LARP1: variants seen among roughly 807,000 people sequenced by gnomAD.
LARP1 encodes the protein la-related protein 1.
In LARP1, 36 loss-of-function variants were observed where a neutral mutation model predicts 122.7. The ratio of observed to expected loss-of-function variants is 0.29; its 90% CI spans 0.22 to 0.39. The LOEUF (loss-of-function observed/expected upper bound fraction) is 0.39. LARP1 is among the 10% of genes least tolerant of loss of function. The pLI, the probability that LARP1 is intolerant of heterozygous loss-of-function variation, is 1.00. For synonymous variants in LARP1, 539 were observed against 528.7 expected (o/e 1.02, Z -0.27); for missense variants, 1,040 against 1,403.6 (o/e 0.74, Z 4.14).
chr5:154,746,529 G>A (rs965372560), intron 1 of LARP1, among the ~76,000 whole-genome samples: 2 of 152,192 alleles, frequency 1.3e-5, no homozygotes, highest in African/African-American at 2.4e-5. Flanking sequence ...GTGGTGTCAC[G>A]ATCTAGAATG....
At position 154,814,466 on chromosome 5, in the gene LARP1, C is replaced by A; in HGVS notation, c.*370C>A. 6.5e-6 allele frequency: 1 copy of A among 152,968 alleles called. No homozygotes were observed. Among genetic ancestry groups the A allele is most frequent in the Non-Finnish European group, 1.5e-5 (1 of 68,392 alleles). 9.5% of individuals were successfully genotyped at this position (152,968 alleles called of 1,614,324 possible). ...CCTGCCCGAGGCTAGTAGGCTGCAA[C>A]CCTGGTCCCCACCCCTAACCTCCTG... On this transcript the variant is annotated 3_prime_UTR_variant, in exon 19 of 19. Transcript: ENST00000518297.
chr5:154,726,102 A>G (rs747564323), intron 1 of LARP1, among the ~76,000 whole-genome samples: 28 of 152,178 alleles, frequency 1.8e-4, no homozygotes, highest in Non-Finnish European at 3.1e-4. Flanking sequence ...GGCCTTCCAC[A>G]GTGCTGGGAT....
rs745558786 is a variant in LARP1, at chr5:154,742,331, G to A, written c.205+29201G>A. ...AATCCCAGCACATTGGGAGGCCAAG[G>A]CAGGTGGATCACTTGAGGCCAGGGG... On this transcript the variant is annotated intron_variant, in intron 1 of 18. Coordinates refer to the LARP1 transcript ENST00000336314. Among the ~76,000 whole-genome samples the A allele has an allele frequency of 2.6e-5, 4 of 152,314 alleles. No individual in the cohort carries two copies. In the East Asian group the frequency reaches 5.8e-4, roughly 22 times the overall value.
chr5:154,778,939 A>G (rs1009910671), intron 1 of LARP1, among the ~76,000 whole-genome samples: 2 of 152,252 alleles, frequency 1.3e-5, no homozygotes, highest in African/African-American at 4.8e-5. Context: ...TATTTAGTCT[A>G]TAAAATTACT....
intron 1 of LARP1, among the ~76,000 whole-genome samples, chr5:154,779,970 T>C (rs529574473): frequency 2.1e-4 from 32 of 152,248 alleles, no homozygotes; most frequent in African/African-American, 7.7e-4. Context: ...TTGTAGCATA[T>C]GACACTGAAG....
chr5:154,691,390 G>T (rs1754200528), intron 1 of LARP1, among the ~76,000 whole-genome samples: 1 of 152,164 alleles, frequency 6.6e-6, no homozygotes, highest in Admixed American at 6.5e-5. Context: ...GGGCCGCGGA[G>T]GTTAAAACTG....
At chr5:154,710,742 CAAAAA>C (rs35253134), upstream of LARP1, among the ~76,000 whole-genome samples, 1 of 92,434 alleles carries the variant, frequency 1.1e-5, no homozygotes, top group African/African-American at 4.3e-5. Flanking sequence ...GACTCCATCT[CAAAAA>C]AAAAAAAAAA....
At chr5:154,740,239 C>T (rs1260814676) in intron 1 of LARP1, among the ~76,000 whole-genome samples, 1 of 150,804 alleles carries the variant, frequency 6.6e-6, no homozygotes, top group Non-Finnish European at 1.5e-5. Flanking sequence ...TAAAAAAATA[C>T]AAAATTAGCC....
intron 1 of LARP1, among the ~76,000 whole-genome samples, chr5:154,767,952 C>T (rs549084371): frequency 6.6e-6 from 1 of 152,268 alleles, no homozygotes; most frequent in South Asian, 2.1e-4. Flanking sequence ...TGCATGCATC[C>T]TTCTATGAAG....
chr5:154,689,666 C>T (rs1561526630), intron 1 of LARP1, among the ~76,000 whole-genome samples: 1 of 151,740 alleles, frequency 6.6e-6, no homozygotes, highest in Admixed American at 6.6e-5. Context: ...AACATTTTGC[C>T]TGTTTGTTTC....
In LARP1 at chr5:154,804,923, C is replaced by A. The variant is rs932430311; in HGVS notation, c.2546+616C>A. The A allele has an allele frequency of 5.5e-5, 25 of 456,212 alleles. 1 individual carries two copies. The highest frequency in any genetic ancestry group is 5.4e-4 in the Admixed American group (23 of 42,572). The allele number at this position is 456,212 out of a possible 1,614,324, so 28.3% of individuals were successfully genotyped here. A position where few individuals can be genotyped will look rare whatever the true frequency, so the allele number is the denominator to read the frequency against. Reference sequence around the variant, plus strand: ...AAATATACAATTGATCTTTGAACAACGAAGGGCGTGGGGTGCCCAGCTGCA... The same window carrying A: ...AAATATACAATTGATCTTTGAACAAAGAAGGGCGTGGGGTGCCCAGCTGCA... On this transcript the variant is annotated intron_variant, in intron 14 of 18. Transcript: ENST00000518297.
In LARP1 at chr5:154,796,917, G is replaced by A. The variant is rs571052418; in HGVS notation, c.1377+1598G>A. On this transcript the variant is annotated intron_variant, in intron 8 of 18. Coordinates refer to ENST00000518297, the MANE Select transcript of LARP1 (RefSeq NM_033551.3). Reference sequence around the variant, plus strand: ...CAGTGAGATTTGGTGGTTTGTTTTCGTATCATTTGTTATTATAAGCTTATG... The same window carrying A: ...CAGTGAGATTTGGTGGTTTGTTTTCATATCATTTGTTATTATAAGCTTATG... Among the ~76,000 whole-genome samples, 213 of 152,162 alleles carry A rather than the reference G, an allele frequency of 1.4e-3. 1 individual carries two copies. The highest frequency in any genetic ancestry group is 2.3e-3 in the Non-Finnish European group (159 of 67,992).
intron 1 of LARP1, among the ~76,000 whole-genome samples, chr5:154,718,925 T>G (rs1382076105): frequency 1.3e-5 from 2 of 152,112 alleles, no homozygotes; most frequent in East Asian, 3.9e-4. Flanking sequence ...AAAGCTGGTG[T>G]GGGAAGGGGT....
chr5:154,730,235 C>A (rs954366703), intron 1 of LARP1, among the ~76,000 whole-genome samples: 1 of 152,066 alleles, frequency 6.6e-6, no homozygotes, highest in Non-Finnish European at 1.5e-5. Context: ...GTCGCCCAGG[C>A]TGGAGTGCAG....
chr5:154,715,285 T>G lies in LARP1; in HGVS notation c.205+2155T>G. Reference sequence around the variant, plus strand: ...CTCTCTTTTTTTTTTTTTTTTTTTTTGAGTCAGTTTCACTTATTGCCCAGG... The same window carrying G: ...CTCTCTTTTTTTTTTTTTTTTTTTTGGAGTCAGTTTCACTTATTGCCCAGG... On this transcript the variant is annotated intron_variant, in intron 1 of 18. Coordinates refer to the LARP1 transcript ENST00000336314. 2.4e-5 allele frequency among the ~76,000 whole-genome samples: 2 copies of G among 83,244 alleles called. 1 individual carries two copies. Among genetic ancestry groups the G allele is most frequent in the South Asian group, 7.1e-4 (2 of 2,826 alleles). The allele number at this position is 83,244 out of a possible 152,430, so 54.6% of individuals were successfully genotyped here.
At chr5:154,743,471 G>C (rs962013445) in intron 1 of LARP1, among the ~76,000 whole-genome samples, 13 of 151,486 alleles carry the variant, frequency 8.6e-5, no homozygotes, top group African/African-American at 3.2e-4. Flanking sequence ...ACCATGCCCA[G>C]CTAATTTTTG....
intron 1 of LARP1, among the ~76,000 whole-genome samples, chr5:154,756,860 G>A (rs1342305348): frequency 1.3e-5 from 2 of 152,078 alleles, no homozygotes; most frequent in South Asian, 4.1e-4. Context: ...CCTTAAGAAG[G>A]AGCCCGATGG....
At chr5:154,739,325 A>C (rs1757094256) in intron 1 of LARP1, among the ~76,000 whole-genome samples, 1 of 151,802 alleles carries the variant, frequency 6.6e-6, no homozygotes, top group Admixed American at 6.6e-5. Context: ...CGGCCCTAAA[A>C]GAAGATTCTA....
At chr5:154,791,834 C>T (rs1757377855) in intron 3 of LARP1, 1 of 394,476 alleles carries the variant, frequency 2.5e-6, no homozygotes, top group Middle Eastern at 3.6e-4. Flanking sequence ...TAAGTGGACC[C>T]ACACAGTTCA....
Sources: gnomAD v4.1 joint callset for allele counts (sites outside exome capture counted in the v4.1 genomes callset) on GRCh38, gnomAD v4.1.1 for gene constraint, MANE v1.5 for transcripts, NCBI Gene and HGNC (gene_info 2026-07-23, HGNC 2026-07-21) for gene names.